Variants in IKZF3 observed in about 807,000 individuals in gnomAD.
IKZF3 encodes the protein IKAROS family zinc finger 3, also known as zinc finger protein Aiolos.
Under a neutral mutation model 49.0 loss-of-function variants are expected in IKZF3, and 10 were observed. The ratio of observed to expected loss-of-function variants is 0.20; its 90% CI spans 0.13 to 0.35. The LOEUF (loss-of-function observed/expected upper bound fraction) is 0.35, where lower values mean the gene tolerates loss of function less well. Ranked by LOEUF, IKZF3 falls within the 10% of genes least tolerant of loss-of-function variation. The probability of loss-of-function intolerance (pLI) is 1.00; values close to 1 mark genes in which losing one functional copy is unlikely to be tolerated. For missense variants in IKZF3, 498 were observed against 664.8 expected (o/e 0.75, Z 2.76); for synonymous variants, 209 against 228.2 (o/e 0.92, Z 0.76).
rs73302168 is a variant in IKZF3 at position 39,803,496 on chromosome 17, A to G, written c.164-10563T>C. On this transcript the variant is annotated intron_variant, in intron 3 of 7. Transcript: ENST00000346872. Reference sequence around the variant, plus strand: ...CCTTTTTCATTCAAAATTCCCTTGCATAGAATATTCACTCTATCTTTTTTT... The same window carrying G: ...CCTTTTTCATTCAAAATTCCCTTGCGTAGAATATTCACTCTATCTTTTTTT... 2.9e-3 allele frequency among the ~76,000 whole-genome samples: 440 copies of G among 151,948 alleles called. 2 individuals are homozygous for G. The highest frequency in any genetic ancestry group is 0.01 in the African/African-American group (419 of 41,420).
intron 1 of IKZF3, among the ~76,000 whole-genome samples, chr17:39,861,909 A>G (rs1216587436): frequency 6.6e-6 from 1 of 152,218 alleles, no homozygotes; most frequent in African/African-American, 2.4e-5. Flanking sequence ...TAATAAATAT[A>G]CTTAGAAAAA....
chr17:39,779,833 A>C (rs1190914027), intron 6 of IKZF3, among the ~76,000 whole-genome samples: 1 of 152,134 alleles, frequency 6.6e-6, no homozygotes, highest in Non-Finnish European at 1.5e-5. Context: ...GATCCAAACT[A>C]AAATGAACTA....
At chr17:39,803,850 A>G (rs2061377505) in intron 3 of IKZF3, among the ~76,000 whole-genome samples, 1 of 152,172 alleles carries the variant, frequency 6.6e-6, no homozygotes, top group Non-Finnish European at 1.5e-5. Flanking sequence ...AAAAAGTTTA[A>G]AGCATGTTAA....
chr17:39,835,824 A>G (rs150114759), intron 1 of IKZF3: 2 of 546,692 alleles, frequency 3.7e-6, no homozygotes, highest in African/African-American at 1.9e-5. Flanking sequence ...CTTCTTGATG[A>G]GGACAATTTT....
chr17:39,860,449 T>C (rs1489724866), intron 1 of IKZF3, among the ~76,000 whole-genome samples: 1 of 152,250 alleles, frequency 6.6e-6, no homozygotes, highest in Non-Finnish European at 1.5e-5. Context: ...TTTCTGCTCA[T>C]ATTCAATGGA....
intron 1 of IKZF3, among the ~76,000 whole-genome samples, chr17:39,840,607 T>G (rs373166029): frequency 2.0e-5 from 3 of 152,218 alleles, no homozygotes; most frequent in Non-Finnish European, 4.4e-5. Flanking sequence ...CATATTCCAA[T>G]TTTTAGTTTA....
In IKZF3 at chr17:39,839,794, G is replaced by C. The variant is rs2062411915; in HGVS notation, c.8-7643C>G. 2.0e-5 allele frequency among the ~76,000 whole-genome samples: 3 copies of C among 151,828 alleles called. No homozygotes were observed. The South Asian group carries it at 6.3e-4, about 32-fold the overall frequency. On this transcript the variant is annotated intron_variant, in intron 1 of 7. Transcript: ENST00000346872. ...CCCACCTTAGCCTCTCGAGTAGCTG[G>C]GACTACAGGTAGGTGTCACCATGTC...
chr17:39,850,873 ATATAT>A (rs1213806881), intron 1 of IKZF3, among the ~76,000 whole-genome samples: 2 of 131,836 alleles, frequency 1.5e-5, no homozygotes, highest in Non-Finnish European at 3.1e-5. Context: ...GTATATATAC[ATATAT>A]AATATACTCT....
chr17:39,824,972 G>C (rs1208169939), intron 3 of IKZF3, among the ~76,000 whole-genome samples: 1 of 152,126 alleles, frequency 6.6e-6, no homozygotes, highest in African/African-American at 2.4e-5. Context: ...TGGGATTACG[G>C]GTGTGAGCCA....
At chr17:39,855,585 C>T (rs1428144128) in intron 1 of IKZF3, among the ~76,000 whole-genome samples, 1 of 152,132 alleles carries the variant, frequency 6.6e-6, no homozygotes, top group Non-Finnish European at 1.5e-5. Context: ...TTGAGATGTG[C>T]ATACTATGCT....
chr17:39,814,842 A>C (rs1445086269), intron 3 of IKZF3, among the ~76,000 whole-genome samples: 1 of 152,122 alleles, frequency 6.6e-6, no homozygotes, highest in Non-Finnish European at 1.5e-5. Context: ...TTTGTGACAA[A>C]CTGGTGTTTT....
chr17:39,806,285 A>G (rs564211439), intron 3 of IKZF3, among the ~76,000 whole-genome samples: 40 of 152,362 alleles, frequency 2.6e-4, no homozygotes, highest in African/African-American at 8.7e-4. Context: ...ACAGGCAAAG[A>G]TTTCTTAGAT....
chr17:39,794,195 G>A (rs907067558), intron 3 of IKZF3, among the ~76,000 whole-genome samples: 1 of 152,162 alleles, frequency 6.6e-6, no homozygotes, highest in Non-Finnish European at 1.5e-5. Flanking sequence ...GTTACTGGCA[G>A]AGGTGTGATT....
At chr17:39,780,008 G>A (rs930825329) in intron 6 of IKZF3, among the ~76,000 whole-genome samples, 10 of 152,034 alleles carry the variant, frequency 6.6e-5, no homozygotes, top group African/African-American at 2.4e-4. Context: ...AGACCAACCT[G>A]GGCAATATAG....
chr17:39,829,550 A>T, intron 2 of IKZF3, 62 bp from the exon 3 acceptor site: 1 of 1,104,214 alleles, frequency 9.1e-7, no homozygotes, highest in Non-Finnish European at 1.4e-6. Context: ...ATAAATATAT[A>T]TTAAGTAGAC....
chr17:39,775,827 G>C (rs2060567392), intron 7 of IKZF3, among the ~76,000 whole-genome samples: 1 of 151,912 alleles, frequency 6.6e-6, no homozygotes, highest in African/African-American at 2.4e-5. Context: ...AGGAGGCTGA[G>C]GCAGGAAAAT....
At chr17:39,816,642 A>G (rs1030860848) in intron 3 of IKZF3, among the ~76,000 whole-genome samples, 20 of 152,254 alleles carry the variant, frequency 1.3e-4, no homozygotes, top group Non-Finnish European at 2.5e-4. Context: ...TCCTGGGAAT[A>G]TACTGTAAAA....
At chr17:39,840,534 A>G (rs1331170086) in intron 1 of IKZF3, among the ~76,000 whole-genome samples, 1 of 152,186 alleles carries the variant, frequency 6.6e-6, no homozygotes, top group African/African-American at 2.4e-5. Flanking sequence ...CTTTATTTTG[A>G]CTGTGATCAT....
intron 6 of IKZF3, among the ~76,000 whole-genome samples, chr17:39,785,527 A>G (rs1482789598): frequency 6.6e-6 from 1 of 152,182 alleles, no homozygotes; most frequent in Admixed American, 6.5e-5. Flanking sequence ...TACTTTTGAT[A>G]CTTTTCCTTA....
Sources: allele counts gnomAD v4.1 joint callset (sites outside exome capture counted in the v4.1 genomes callset), GRCh38; gene constraint gnomAD v4.1.1; transcripts MANE v1.5; gene names NCBI Gene and HGNC (gene_info 2026-07-23, HGNC 2026-07-21).